COL25A1: variants seen among roughly 807,000 people sequenced by gnomAD.
COL25A1 encodes the protein collagen type XXV alpha 1 chain.
COL25A1 carries 103 observed loss-of-function variants against 128.4 expected under a neutral mutation model. The ratio of observed to expected loss-of-function variants is 0.80; its 90% CI spans 0.68 to 0.94. The LOEUF (loss-of-function observed/expected upper bound fraction) is 0.94, where lower values mean the gene tolerates loss of function less well. COL25A1 is among the 40% of genes least tolerant of loss of function. The probability of loss-of-function intolerance (pLI) is 0.00; values close to 1 mark genes in which losing one functional copy is unlikely to be tolerated. For missense variants in COL25A1, 745 were observed against 840.0 expected, an observed-to-expected ratio of 0.89 and a Z score of 1.40; for synonymous variants, 279 against 277.2, an observed-to-expected ratio of 1.01 and a Z score of -0.06.
At chr4:108,878,245 TA>T (rs1236934123) in intron 19 of COL25A1, among the ~76,000 whole-genome samples, 4 of 152,020 alleles carry the variant, frequency 2.6e-5, no homozygotes, top group Non-Finnish European at 4.4e-5. Context: ...TTAACCCCTC[TA>T]AAAAAACCTC....
intron 3 of COL25A1, among the ~76,000 whole-genome samples, chr4:109,244,168 C>A (rs1482790415): frequency 1.5e-5 from 2 of 136,944 alleles, no homozygotes; most frequent in Non-Finnish European, 3.1e-5. Flanking sequence ...TGGTTTTTTT[C>A]ATCATGAAAA....
intron 3 of COL25A1, among the ~76,000 whole-genome samples, chr4:109,259,078 G>C (rs1370404877): frequency 6.6e-6 from 1 of 151,896 alleles, no homozygotes; most frequent in African/African-American, 2.4e-5. Flanking sequence ...TTATTTCTCT[G>C]TGTAAAGCTC....
intron 3 of COL25A1, among the ~76,000 whole-genome samples, chr4:109,055,166 A>G (rs1349953947): frequency 6.6e-6 from 1 of 152,192 alleles, no homozygotes; most frequent in Non-Finnish European, 1.5e-5. Flanking sequence ...TTCCACAATT[A>G]GAAGTAAAAG....
chr4:109,065,095 T>C (rs1762295278), intron 3 of COL25A1, among the ~76,000 whole-genome samples: 1 of 152,182 alleles, frequency 6.6e-6, no homozygotes, highest in African/African-American at 2.4e-5. Context: ...TTTGGGCTCA[T>C]CTAGCCCCTC....
intron 3 of COL25A1, among the ~76,000 whole-genome samples, chr4:109,231,782 C>G (rs1779180701): frequency 6.6e-6 from 1 of 152,192 alleles, no homozygotes; most frequent in South Asian, 2.1e-4. Flanking sequence ...CAGACCTGGT[C>G]TAAACCTCGG....
chr4:108,959,023 T>TCATC (rs1241711451), intron 8 of COL25A1, among the ~76,000 whole-genome samples: 2 of 152,154 alleles, frequency 1.3e-5, no homozygotes, highest in African/African-American at 4.8e-5. Context: ...TATGTGTTTG[T>TCATC]ATATTTTGAT....
chr4:109,101,220 A>T (rs971840950), intron 3 of COL25A1, among the ~76,000 whole-genome samples: 5 of 152,214 alleles, frequency 3.3e-5, no homozygotes, highest in Admixed American at 2.6e-4. Flanking sequence ...ACAAGACTCA[A>T]CGTGTTTCAC....
intron 3 of COL25A1, among the ~76,000 whole-genome samples, chr4:109,223,620 A>G (rs1211538475): frequency 6.9e-6 from 1 of 144,014 alleles, no homozygotes. Flanking sequence ...AATGACCTTC[A>G]TTTGGATAAA....
At chr4:109,166,671 T>C (rs1319733598) in intron 3 of COL25A1, among the ~76,000 whole-genome samples, 2 of 152,216 alleles carry the variant, frequency 1.3e-5, no homozygotes, top group Admixed American at 6.5e-5. Context: ...ATATTTACAA[T>C]GAAAAGATTT....
At chr4:109,103,077 TTTAA>T (rs1187467020) in intron 3 of COL25A1, among the ~76,000 whole-genome samples, 2 of 152,194 alleles carry the variant, frequency 1.3e-5, no homozygotes, top group African/African-American at 2.4e-5. Context: ...CACAGAAACC[TTTAA>T]TTAAGAGCCA....
In COL25A1 at chr4:108,868,792, AAAGGAAGGAAGGAAAG is replaced by A. The variant is rs202085666; in HGVS notation, c.1083+280_1083+295del. 4.8e-5 allele frequency among the ~76,000 whole-genome samples: 7 copies of A among 145,526 alleles called. No individual in the cohort carries two copies. The East Asian group carries it at 1.4e-3, about 30-fold the overall frequency. ...AGGGAAGGGAAGGAAGAAAGGAAGG[AAAGGAAGGAAGGAAAG>A]AAGGAAGGAAAGGAAGGAAGGAATG... is the stretch of plus-strand genomic sequence containing the variant. On this transcript the variant is annotated intron_variant, in intron 20 of 37. Transcript: ENST00000399132.
intron 3 of COL25A1, among the ~76,000 whole-genome samples, chr4:109,200,137 C>G (rs534105914): frequency 6.6e-6 from 1 of 152,276 alleles, no homozygotes; most frequent in South Asian, 2.1e-4. Context: ...GAAATGGTAA[C>G]TTCCTTCCAT....
intron 3 of COL25A1, among the ~76,000 whole-genome samples, chr4:109,176,571 T>C (rs1392521044): frequency 6.6e-6 from 1 of 152,024 alleles, no homozygotes; most frequent in African/African-American, 2.4e-5. Context: ...CTGAATGAGT[T>C]AAGATAACCT....
intron 13 of COL25A1, among the ~76,000 whole-genome samples, chr4:108,908,885 G>A (rs1248954938): frequency 6.6e-6 from 1 of 152,108 alleles, no homozygotes; most frequent in Non-Finnish European, 1.5e-5. Context: ...CTTATGCTAA[G>A]TCAGTTCCTG....
intron 3 of COL25A1, among the ~76,000 whole-genome samples, chr4:109,129,842 G>GTC (rs950172686): frequency 4.6e-5 from 7 of 151,996 alleles, no homozygotes; most frequent in African/African-American, 9.7e-5. Context: ...TCTCTAAGTT[G>GTC]TCTCTCTCTC....
intron 3 of COL25A1, among the ~76,000 whole-genome samples, chr4:109,278,643 G>A (rs764682277): frequency 2.0e-5 from 3 of 152,090 alleles, no homozygotes; most frequent in East Asian, 3.9e-4. Context: ...TGTTAATGAC[G>A]TAGTTAAAAC....
At chr4:109,067,828 A>G (rs1466518693) in intron 3 of COL25A1, among the ~76,000 whole-genome samples, 2 of 152,190 alleles carry the variant, frequency 1.3e-5, no homozygotes, top group African/African-American at 4.8e-5. Flanking sequence ...GGATTAGAGA[A>G]ATGAACAGTT....
At chr4:109,150,308 A>C (rs758358921) in intron 3 of COL25A1, among the ~76,000 whole-genome samples, 19 of 152,098 alleles carry the variant, frequency 1.2e-4, no homozygotes, top group Non-Finnish European at 2.8e-4. Context: ...TAGGTTTCTT[A>C]AGTTTCTAAG....
chr4:109,016,298 C>T (rs1161801697), intron 5 of COL25A1, among the ~76,000 whole-genome samples: 1 of 152,266 alleles, frequency 6.6e-6, no homozygotes, highest in Non-Finnish European at 1.5e-5. Context: ...CCCCTCCAGA[C>T]TTTAAGTGCC....
Sources: gnomAD v4.1 joint callset for allele counts (sites outside exome capture counted in the v4.1 genomes callset) on GRCh38, gnomAD v4.1.1 for gene constraint, MANE v1.5 for transcripts, NCBI Gene and HGNC (gene_info 2026-07-23, HGNC 2026-07-21) for gene names.